The following TFCP2L1 variants were observed in gnomAD, a reference collection of about 807,000 sequenced individuals.
The protein encoded by TFCP2L1 is transcription factor CP2-like protein 1.
A neutral mutation model predicts 72.2 loss-of-function variants in TFCP2L1; 12 were observed. That is an observed-to-expected ratio of 0.17 (90% CI 0.11 to 0.27). The LOEUF (loss-of-function observed/expected upper bound fraction) is 0.27, where lower values mean the gene tolerates loss of function less well. Among genes scored for constraint, TFCP2L1 ranks in the 10% least tolerant of loss-of-function variants. The pLI, the probability that TFCP2L1 is intolerant of heterozygous loss-of-function variation, is 1.00. For missense variants in TFCP2L1, 488 were observed against 624.6 expected (o/e 0.78, Z 2.33); for synonymous variants, 260 against 251.0 (o/e 1.04, Z -0.34).
chr2:121,263,590 C>A (rs1490811044), intron 2 of TFCP2L1, among the ~76,000 whole-genome samples: 1 of 151,748 alleles, frequency 6.6e-6, no homozygotes, highest in African/African-American at 2.4e-5. Flanking sequence ...ATTCTCCATG[C>A]AAATTAGAAA....
chr2:121,231,656 C>CG (rs1415380483), intron 13 of TFCP2L1, among the ~76,000 whole-genome samples, 170 bp downstream of exon 13: 3 of 152,258 alleles, frequency 2.0e-5, no homozygotes, highest in African/African-American at 7.2e-5. Flanking sequence ...TGGACCCAGA[C>CG]GGGGCCTCAG....
At chr2:121,230,564 T>C (rs1686120659) in intron 13 of TFCP2L1, among the ~76,000 whole-genome samples, 1 of 152,158 alleles carries the variant, frequency 6.6e-6, no homozygotes, top group Non-Finnish European at 1.5e-5. Flanking sequence ...GTGGATCACT[T>C]GAGCCCAGGA....
At chr2:121,249,211 C>T (rs1686553356) in intron 3 of TFCP2L1, 124 bp from the exon 4 acceptor site, 1 of 711,166 alleles carries the variant, frequency 1.4e-6, no homozygotes, top group Non-Finnish European at 2.3e-6. Context: ...CTTCCTTTCC[C>T]AGTTCTCAAG....
rs1685969293 is a variant in TFCP2L1 at position 121,223,682 on chromosome 2, CAGGAGCACATCTT to C, written c.*646_*658del. ...CCATGCCAATGCGCCAGTGCAGAGACAGGAGCACATCTTTGGGTTCCGCAGCAGCAGATCCTTA... is the reference window on the plus strand; with the variant it reads ...CCATGCCAATGCGCCAGTGCAGAGACTGGGTTCCGCAGCAGCAGATCCTTA... On this transcript the variant is annotated 3_prime_UTR_variant, in exon 15 of 15. Transcript: ENST00000263707. The C allele has an allele frequency of 6.5e-6, 1 of 153,984 alleles. No individual in the cohort carries two copies. Among genetic ancestry groups the C allele is most frequent in the Admixed American group, 6.4e-5 (1 of 15,578 alleles). The allele number at this position is 153,984 out of a possible 1,614,324, so 9.5% of individuals were successfully genotyped here.
chr2:121,240,174 G>A (rs555728536), intron 7 of TFCP2L1: 150 of 985,234 alleles, frequency 1.5e-4, no homozygotes, highest in East Asian at 3.4e-4. Flanking sequence ...AGCTCCTCTC[G>A]GTGAAATTTG....
At chr2:121,263,256 C>T (rs900303694) in intron 2 of TFCP2L1, among the ~76,000 whole-genome samples, 4 of 152,036 alleles carry the variant, frequency 2.6e-5, no homozygotes, top group Non-Finnish European at 4.4e-5. Context: ...TTATTTTATA[C>T]TTTGTTATTG....
chr2:121,284,948 AG>A, intron 1 of TFCP2L1, 99 bp downstream of exon 1: 1 of 1,074,560 alleles, frequency 9.3e-7, no homozygotes, highest in Non-Finnish European at 1.2e-6. Context: ...CGGGGAGGCC[AG>A]GGCCCAGCAG....
intron 12 of TFCP2L1, among the ~76,000 whole-genome samples, chr2:121,233,380 T>C (rs1293905790): frequency 6.6e-6 from 1 of 152,120 alleles, no homozygotes; most frequent in Non-Finnish European, 1.5e-5. Flanking sequence ...TTAGTAGAGA[T>C]GGGGTTACTC....
chr2:121,253,888 C>G (rs893043223), intron 2 of TFCP2L1, among the ~76,000 whole-genome samples: 1 of 152,176 alleles, frequency 6.6e-6, no homozygotes, highest in Non-Finnish European at 1.5e-5. Flanking sequence ...TGCCTACCCC[C>G]GTGCCAACAC....
chr2:121,269,907 TAAA>T lies in TFCP2L1; in HGVS notation c.214+11210_214+11212del, dbSNP rs398104671. Among the ~76,000 whole-genome samples, 5 of 77,604 alleles carry T rather than the reference TAAA, an allele frequency of 6.4e-5. No homozygotes were observed. The East Asian group carries it at 1.9e-3, about 30-fold the overall frequency. The allele number at this position is 77,604 out of a possible 152,430, so 50.9% of individuals were successfully genotyped here. ...CTGGGTGACAGAGCAAGACTCCATCTAAAAAAAAAAAATATATATATATATATA... is the reference window on the plus strand; with the variant it reads ...CTGGGTGACAGAGCAAGACTCCATCTAAAAAAAAATATATATATATATATA... On this transcript the variant is annotated intron_variant, in intron 2 of 14. Transcript: ENST00000263707.
At chr2:121,224,522 T>C (rs1018268988) in intron 14 of TFCP2L1, 135 bp from the exon 15 acceptor site, 2 of 806,596 alleles carry the variant, frequency 2.5e-6, no homozygotes, top group Admixed American at 2.2e-5. Flanking sequence ...CAAAGCGTGC[T>C]GGCAGAAGCA....
At chr2:121,268,742 G>A (rs1686983956) in intron 2 of TFCP2L1, among the ~76,000 whole-genome samples, 1 of 150,990 alleles carries the variant, frequency 6.6e-6, no homozygotes, top group Admixed American at 6.7e-5. Flanking sequence ...CAGTTGTTAG[G>A]AAAGGCTAAT....
rs1411655742 is a variant in TFCP2L1 at position 121,225,744 on chromosome 2, A to T, written c.1342-131T>A. On this transcript the variant is annotated intron_variant, in intron 13 of 14. Transcript: ENST00000263707. ...AGCCACTGCCACGGTGCCCACACAC[A>T]CAGGAACGCGGTAAACACCACTGCC... 9 of 921,886 alleles carry T rather than the reference A, an allele frequency of 9.8e-6. No individual in the cohort carries two copies. In the Admixed American group the frequency reaches 1.7e-4, roughly 18 times the overall value. The allele number at this position is 921,886 out of a possible 1,614,324, so 57.1% of individuals were successfully genotyped here.
At chr2:121,242,027 G>A (rs891734033) in intron 7 of TFCP2L1, among the ~76,000 whole-genome samples, 6 of 120,186 alleles carry the variant, frequency 5.0e-5, no homozygotes, top group Non-Finnish European at 8.0e-5. Flanking sequence ...GATATTTTCT[G>A]TTGTACACTC....
intron 2 of TFCP2L1, among the ~76,000 whole-genome samples, chr2:121,252,873 G>A (rs1410589110): frequency 6.6e-6 from 1 of 152,186 alleles, no homozygotes; most frequent in Non-Finnish European, 1.5e-5. Flanking sequence ...AATGGACAAA[G>A]AATATGAAAT....
At chr2:121,281,645 T>C (rs1573403248) in intron 1 of TFCP2L1, among the ~76,000 whole-genome samples, 1 of 152,186 alleles carries the variant, frequency 6.6e-6, no homozygotes. Context: ...ACTCATAAAG[T>C]TTCACTTTTA....
At chr2:121,280,384 GCCAGGTGCAGCT>G (rs1002416820) in intron 2 of TFCP2L1, among the ~76,000 whole-genome samples, 3 of 152,160 alleles carry the variant, frequency 2.0e-5, no homozygotes. Flanking sequence ...TCCCATCACT[GCCAGGTGCAGCT>G]CCAGGACCTG....
chr2:121,242,873 C>A (rs370474913), intron 6 of TFCP2L1, among the ~76,000 whole-genome samples: 1 of 152,302 alleles, frequency 6.6e-6, no homozygotes, highest in South Asian at 2.1e-4. Context: ...CTCCTTACCC[C>A]CAACTCTCAG....
chr2:121,235,970 A>G lies in TFCP2L1; in HGVS notation c.1004-659T>C, dbSNP rs529224864. 7.9e-5 allele frequency among the ~76,000 whole-genome samples: 12 copies of G among 152,090 alleles called. No individual in the cohort carries two copies. In the East Asian group the frequency reaches 2.3e-3, roughly 29 times the overall value. On this transcript the variant is annotated intron_variant, in intron 10 of 14. Transcript: ENST00000263707. ...TATCCTGACTTGCTACAGTGCAGAC[A>G]CGTTTTGCATGTTCTCTGAAGTTTC... is the stretch of plus-strand genomic sequence containing the variant.
Sources: gnomAD v4.1 joint callset for allele counts (sites outside exome capture counted in the v4.1 genomes callset) on GRCh38, gnomAD v4.1.1 for gene constraint, MANE v1.5 for transcripts, NCBI Gene and HGNC (gene_info 2026-07-23, HGNC 2026-07-21) for gene names.